Variants in NOA1 observed in about 807,000 individuals in gnomAD.
NOA1 encodes the protein nitric oxide associated 1.
Under a neutral mutation model 58.4 loss-of-function variants are expected in NOA1, and 35 were observed. The ratio of observed to expected loss-of-function variants is 0.60; its 90% confidence interval spans 0.46 to 0.79. The LOEUF (loss-of-function observed/expected upper bound fraction) is 0.79, where lower values mean the gene tolerates loss of function less well. Among genes scored for constraint, NOA1 ranks in the 30% least tolerant of loss-of-function variants. The pLI is 0.00. For synonymous variants in NOA1, 397 were observed against 373.4 expected, an observed-to-expected ratio of 1.06 and a Z score of -0.73; for missense variants, 895 against 894.6, an observed-to-expected ratio of 1.00 and a Z score of -0.01.
At position 56,977,566 on chromosome 4, in the gene NOA1, G is replaced by A. The variant is rs201957616; in HGVS notation, c.20C>T (p.Pro7Leu). 19 of 1,597,216 alleles carry A rather than the reference G, an allele frequency of 1.2e-5. No individual in the cohort carries two copies. The highest frequency in any genetic ancestry group is 2.7e-5 in the African/African-American group (2 of 74,416). Residue 7 changes from proline (P) to leucine (L), a missense_variant, in exon 1 of 7, where the codon CCG becomes CTG. Physicochemically the swap from Pro to Leu is moderately conservative, Grantham distance 98. This residue lies in a region of NOA1 where 680 missense variants were observed against 656.5 expected (regional missense o/e 1.04). Transcript: ENST00000264230. Reference protein sequence around the residue: MLPARLPFRLLSLFLRG... With the variant: MLPARLLFRLLSLFLRG... ...AAGGAAAAGGCTCAGCAGCCTGAAC[G>A]GTAGGCGAGCGGGCAGCATGAGGAA...
intron 6 of NOA1, 88 bp downstream of exon 6, chr4:56,964,318 C>A: frequency 6.6e-7 from 1 of 1,508,652 alleles, no homozygotes; most frequent in Non-Finnish European, 9.1e-7. Flanking sequence ...CCGCCCACCT[C>A]GGCCTCACAA....
At position 56,976,572 on chromosome 4, in the gene NOA1, A is replaced by C. The variant is rs760610360; in HGVS notation, c.1014T>G (p.Arg338=). Residue 338 remains arginine, a synonymous_variant, in exon 1 of 7, where the codon CGT becomes CGG. Transcript: ENST00000264230. ...ISALQRSWRY[R]GDVYLVGATN... ...TGGCGCCCACTAAGTAGACGTCCCC[A>C]CGGTAGCGCCAGGAGCGCTGAAGGG... 13 of 1,614,084 alleles carry C rather than the reference A, an allele frequency of 8.1e-6. No individual in the cohort carries two copies. In the African/African-American group the frequency reaches 1.5e-4, roughly 18 times the overall value.
Position 56,974,015 on chromosome 4 carries a change from T to TGTA in NOA1, c.1149_1151dup (p.Thr384dup). ...AAATAGGAAACTTCAGAAGGTTTAA[T>TGTA]GTAGTACCTGAAATACACAGAATAA... On this transcript the variant is annotated inframe_insertion, in exon 2 of 7. Coordinates refer to ENST00000264230, the MANE Select transcript of NOA1 (RefSeq NM_032313.4). 6.2e-7 allele frequency: 1 copy of TGTA among 1,610,762 alleles called. No homozygotes were observed. Among genetic ancestry groups the TGTA allele is most frequent in the South Asian group, 1.1e-5 (1 of 91,008 alleles).
intron 3 of NOA1, among the ~76,000 whole-genome samples, chr4:56,971,043 T>C (rs1373476431): frequency 1.3e-5 from 2 of 152,154 alleles, no homozygotes; most frequent in Non-Finnish European, 2.9e-5. Flanking sequence ...CTGGGCGTAG[T>C]GGCTCCCATC....
At chr4:56,966,592 A>C in intron 5 of NOA1, 28 bp downstream of exon 5, 1 of 1,341,416 alleles carries the variant, frequency 7.5e-7, no homozygotes, top group South Asian at 1.2e-5. Flanking sequence ...ACTAACCATA[A>C]CCATGCAATC....
chr4:56,964,072 GTT>G (rs983100761), intron 6 of NOA1, among the ~76,000 whole-genome samples: 1 of 141,862 alleles, frequency 7.0e-6, no homozygotes. Context: ...TTCACTTTTT[GTT>G]TTTTTTTTTT....
intron 5 of NOA1, among the ~76,000 whole-genome samples, chr4:56,966,018 C>CTTTTTTT (rs57382498): frequency 1.7e-4 from 15 of 88,542 alleles, no homozygotes; most frequent in Non-Finnish European, 2.3e-4. Context: ...AGCAAATTTT[C>CTTTTTTT]TTTTTTTTTT....
chr4:56,969,289 G>A (rs1208584285), intron 3 of NOA1, among the ~76,000 whole-genome samples: 1 of 152,128 alleles, frequency 6.6e-6, no homozygotes, highest in Non-Finnish European at 1.5e-5. Flanking sequence ...TTCTTAACAA[G>A]AGGCTGGGCG....
intron 6 of NOA1, 130 bp downstream of exon 6, chr4:56,964,276 A>G: frequency 1.0e-6 from 1 of 956,278 alleles, no homozygotes; most frequent in South Asian, 1.6e-5. Flanking sequence ...CATGTTGGTC[A>G]GGTTGGTCTC....
In NOA1 at chr4:56,977,216, G is replaced by T. The variant is rs1318825053; in HGVS notation, c.370C>A (p.His124Asn). The change falls in exon 1 of 7, where the codon CAC becomes AAC. Residue 124 changes from histidine to asparagine, a missense_variant. His to Asn is a moderately conservative substitution (Grantham distance 68, BLOSUM62 1). This residue lies in a region of NOA1 where 680 missense variants were observed against 656.5 expected (regional missense o/e 1.04). Coordinates refer to ENST00000264230, the MANE Select transcript of NOA1 (RefSeq NM_032313.4). Reference protein sequence around the residue: ...QQNLRARSREHPVVGHPDPAL... With the variant: ...QQNLRARSRENPVVGHPDPAL... Reference sequence around the variant, plus strand: ...GGGTCCGGGTGCCCCACGACCGGGTGCTCCCGGGACCTGGCCCGTAGGTTT... The same window carrying T: ...GGGTCCGGGTGCCCCACGACCGGGTTCTCCCGGGACCTGGCCCGTAGGTTT... 6.3e-7 allele frequency: 1 copy of T among 1,577,982 alleles called. No homozygotes were observed. Among genetic ancestry groups the T allele is most frequent in the Admixed American group, 1.8e-5 (1 of 54,428 alleles).
intron 6 of NOA1, 40 bp downstream of exon 6, chr4:56,964,366 C>G: frequency 6.2e-7 from 1 of 1,612,610 alleles, no homozygotes; most frequent in South Asian, 1.1e-5. Context: ...CGTGCCTGCC[C>G]TTTTATTCAC....
At chr4:56,971,981 C>T (rs1005792584) in intron 3 of NOA1, among the ~76,000 whole-genome samples, 9 of 151,982 alleles carry the variant, frequency 5.9e-5, no homozygotes, top group Non-Finnish European at 1.3e-4. Context: ...CTCCGCCTCC[C>T]GGGTTCACAC....
intron 3 of NOA1, among the ~76,000 whole-genome samples, chr4:56,971,617 C>T (rs17087332): frequency 0.082 from 12,520 of 152,112 alleles, 609 homozygotes; most frequent in African/African-American, 0.12. Context: ...ATTAGAAAAT[C>T]GGAAACTGGT....
intron 3 of NOA1, among the ~76,000 whole-genome samples, chr4:56,970,528 C>G (rs997379595): frequency 2.0e-5 from 3 of 151,570 alleles, no homozygotes; most frequent in Admixed American, 2.0e-4. Flanking sequence ...GATCTCGGCT[C>G]ACTGCAACCT....
intron 5 of NOA1, 115 bp downstream of exon 5, chr4:56,966,505 G>T: frequency 1.6e-6 from 1 of 645,120 alleles, no homozygotes; most frequent in Non-Finnish European, 2.7e-6. Context: ...GTGAGGGAAA[G>T]CTAGCTCAAG....
chr4:56,972,791 G>A (rs905164716), intron 3 of NOA1, among the ~76,000 whole-genome samples: 1 of 152,156 alleles, frequency 6.6e-6, no homozygotes, highest in Non-Finnish European at 1.5e-5. Context: ...AAATAAGTTG[G>A]TTGTCAGCAA....
chr4:56,965,190 CAG>C (rs1436433565), intron 5 of NOA1, among the ~76,000 whole-genome samples: 1 of 151,974 alleles, frequency 6.6e-6, no homozygotes, highest in Non-Finnish European at 1.5e-5. Flanking sequence ...TTAGTAGAAA[CAG>C]GGTTTCACCA....
Position 56,976,542 on chromosome 4 carries a change from G to T in NOA1, c.1044C>A (p.Asn348Lys). 6.2e-7 allele frequency: 1 copy of T among 1,614,242 alleles called. No homozygotes were observed. Among genetic ancestry groups the T allele is most frequent in the Non-Finnish European group, 8.5e-7 (1 of 1,180,042 alleles). The part of the protein sequence containing the change: ...RGDVYLVGAT[N>K]AGKSTLFNTL... ...TGTTAAAGAGAGTGGATTTGCCGGC[G>T]TTGGTGGCGCCCACTAAGTAGACGT... Residue 348 changes from asparagine (N) to lysine (K), a missense_variant, in exon 1 of 7, where the codon AAC (asparagine) becomes AAA (lysine). By Grantham distance (94) the Asn-to-Lys change is moderately conservative (BLOSUM62 0). Coordinates refer to ENST00000264230, the MANE Select transcript of NOA1 (RefSeq NM_032313.4).
chr4:56,966,468 A>G, intron 5 of NOA1, 152 bp downstream of exon 5: 1 of 574,664 alleles, frequency 1.7e-6, no homozygotes, highest in Non-Finnish European at 3.1e-6. Context: ...ATTTTGCTTT[A>G]TAGCCAGAAT....
Sources: allele counts gnomAD v4.1 joint callset (sites outside exome capture counted in the v4.1 genomes callset), GRCh38; gene constraint gnomAD v4.1.1; regional missense constraint gnomAD v4.1.1; transcripts MANE v1.5; gene names NCBI Gene and HGNC (gene_info 2026-07-23, HGNC 2026-07-21).